SIPA1L2: variants seen among roughly 807,000 people sequenced by gnomAD.
SIPA1L2 encodes signal-induced proliferation-associated 1-like protein 2.
Under a neutral mutation model 163.9 loss-of-function variants are expected in SIPA1L2, and 56 were observed. The ratio of observed to expected loss-of-function variants is 0.34; its 90% CI spans 0.28 to 0.43. SIPA1L2 has a LOEUF of 0.43. Ranked by LOEUF, SIPA1L2 falls within the 20% of genes least tolerant of loss-of-function variation. SIPA1L2 has a pLI of 1.00. For synonymous variants in SIPA1L2, 877 were observed against 865.7 expected (o/e 1.01, Z -0.23); for missense variants, 1,974 against 2,193.5 (o/e 0.90, Z 2.00).
intron 2 of SIPA1L2, among the ~76,000 whole-genome samples, chr1:232,563,948 T>G (rs56392087): frequency 0.03 from 4,206 of 141,212 alleles, 80 homozygotes; most frequent in Non-Finnish European, 0.045. Flanking sequence ...AGGTTTGTTT[T>G]TTTTTTTCGT....
At chr1:232,553,378 G>C (rs928197650) in intron 2 of SIPA1L2, among the ~76,000 whole-genome samples, 10 of 152,188 alleles carry the variant, frequency 6.6e-5, no homozygotes, top group African/African-American at 2.4e-4. Flanking sequence ...TATGGGTACA[G>C]GACGGGGGGG....
chr1:232,425,280 T>C (rs1235929397), intron 18 of SIPA1L2, among the ~76,000 whole-genome samples: 6 of 151,730 alleles, frequency 4.0e-5, no homozygotes, highest in Non-Finnish European at 2.9e-5. Flanking sequence ...TAAATCAGGC[T>C]AAAGACATTT....
intron 5 of SIPA1L2, among the ~76,000 whole-genome samples, chr1:232,486,246 G>A (rs1295915337): frequency 1.3e-5 from 2 of 152,194 alleles, no homozygotes; most frequent in Non-Finnish European, 2.9e-5. Flanking sequence ...CTGACTCGGA[G>A]AGCCTTGTGG....
At chr1:232,468,303 A>C (rs1664626142) in intron 8 of SIPA1L2, among the ~76,000 whole-genome samples, 1 of 152,214 alleles carries the variant, frequency 6.6e-6, no homozygotes, top group Non-Finnish European at 1.5e-5. Context: ...CCCTCCAGCA[A>C]AAGCAAACAG....
intron 2 of SIPA1L2, among the ~76,000 whole-genome samples, chr1:232,562,556 TATA>T (rs1048771205): frequency 6.6e-6 from 1 of 152,256 alleles, no homozygotes; most frequent in African/African-American, 2.4e-5. Flanking sequence ...CACATTATTT[TATA>T]ATGAGAATTT....
intron 1 of SIPA1L2, among the ~76,000 whole-genome samples, chr1:232,586,792 A>G (rs1165185579): frequency 6.6e-6 from 1 of 152,266 alleles, no homozygotes; most frequent in African/African-American, 2.4e-5. Context: ...GGAGTGAAAC[A>G]GGAGTCTTTG....
rs1660187996 is a variant in SIPA1L2, at chr1:232,399,223, C to T, written c.5073G>A (p.Gln1691=). 2.5e-6 allele frequency: 4 copies of T among 1,613,644 alleles called. No homozygotes were observed. Among genetic ancestry groups the T allele is most frequent in the African/African-American group, 2.7e-5 (2 of 74,794 alleles). Residue 1691 remains glutamine, a synonymous_variant, in exon 23 of 23, where the codon CAG becomes CAA. Coordinates refer to ENST00000674635, the MANE Select transcript of SIPA1L2 (RefSeq NM_020808.5). ...VLQAEVQHLR[Q]DNMRLQEESQ... is the part of the protein sequence containing the mutation. Reference sequence around the variant, plus strand: ...ACTCCTCCTGCAGTCTCATGTTGTCCTGTCTCAGGTGCTGCACTTCTGCTT... The same window carrying T: ...ACTCCTCCTGCAGTCTCATGTTGTCTTGTCTCAGGTGCTGCACTTCTGCTT...
intron 5 of SIPA1L2, among the ~76,000 whole-genome samples, chr1:232,489,458 C>G (rs576195473): frequency 1.3e-5 from 2 of 151,312 alleles, no homozygotes; most frequent in Non-Finnish European, 2.9e-5. Context: ...CTGTGTATTA[C>G]GCAATTTAAA....
intron 1 of SIPA1L2, among the ~76,000 whole-genome samples, chr1:232,593,445 G>T (rs1452582922): frequency 6.6e-6 from 1 of 152,020 alleles, no homozygotes. Flanking sequence ...TATTAATGGG[G>T]GCGCTTCATT....
intron 2 of SIPA1L2, among the ~76,000 whole-genome samples, 186 bp from the exon 3 acceptor site, chr1:232,515,794 C>G (rs1042113685): frequency 2.0e-5 from 3 of 152,218 alleles, no homozygotes; most frequent in Admixed American, 6.5e-5. Flanking sequence ...AGATAAAATT[C>G]ACACCATACA....
rs190398056 is a variant in SIPA1L2 at position 232,422,057 on chromosome 1, A to T, written c.4630+3532T>A. Among the ~76,000 whole-genome samples the T allele has an allele frequency of 2.0e-5, 3 of 152,320 alleles. No individual in the cohort carries two copies. The East Asian group carries it at 5.8e-4, about 29-fold the overall frequency. ...TAAAAGGAAAATATGACTGCTTTTC[A>T]GTGTCACTGGTTATGTGGCCTGTGA... is the stretch of plus-strand genomic sequence containing the variant. On this transcript the variant is annotated intron_variant, in intron 18 of 22. Transcript: ENST00000674635.
intron 2 of SIPA1L2, among the ~76,000 whole-genome samples, chr1:232,526,602 T>C (rs1573029317): frequency 6.6e-6 from 1 of 152,192 alleles, no homozygotes; most frequent in Non-Finnish European, 1.5e-5. Context: ...TGCAGCCCGG[T>C]TCCTAACAGG....
intron 2 of SIPA1L2, among the ~76,000 whole-genome samples, chr1:232,516,888 T>C (rs1383032621): frequency 6.6e-6 from 1 of 152,184 alleles, no homozygotes; most frequent in East Asian, 1.9e-4. Context: ...ATTCTTTCAT[T>C]CTTCTGCCAA....
chr1:232,559,693 TG>T (rs1190239769), intron 2 of SIPA1L2, among the ~76,000 whole-genome samples: 1 of 152,180 alleles, frequency 6.6e-6, no homozygotes, highest in Non-Finnish European at 1.5e-5. Flanking sequence ...TGTTGACAAT[TG>T]AGGAGATTTT....
intron 1 of SIPA1L2, among the ~76,000 whole-genome samples, chr1:232,615,769 AG>A (rs755142756): frequency 6.6e-6 from 1 of 152,032 alleles, no homozygotes; most frequent in African/African-American, 2.4e-5. Context: ...ACTTCCAATG[AG>A]GGGGGGCAGG....
At position 232,619,001 on chromosome 1, in the gene SIPA1L2, C is replaced by G. The variant is rs554753984; in HGVS notation, c.-319+10868G>C. Among the ~76,000 whole-genome samples the G allele has an allele frequency of 5.3e-5, 8 of 152,352 alleles. 1 individual carries two copies. The South Asian group carries it at 1.7e-3, about 32-fold the overall frequency. On this transcript the variant is annotated intron_variant, in intron 1 of 22. Coordinates refer to ENST00000674635, the MANE Select transcript of SIPA1L2 (RefSeq NM_020808.5). ...ACCACTTTGAAAATACTGTCCGTCA[C>G]TTCTCCTTAATGTTGCTTTTGTTAA...
At chr1:232,531,978 G>C (rs1343413789) in intron 2 of SIPA1L2, among the ~76,000 whole-genome samples, 1 of 152,196 alleles carries the variant, frequency 6.6e-6, no homozygotes, top group Non-Finnish European at 1.5e-5. Context: ...GCTCAGATCC[G>C]GGAGGGACTG....
rs532206842 is a variant in SIPA1L2 at position 232,450,476 on chromosome 1, C to T, written c.3096-4690G>A. On this transcript the variant is annotated intron_variant, in intron 10 of 22. Transcript: ENST00000674635. Reference sequence around the variant, plus strand: ...ACCTACTTTTGTCTTCCACTCAAATCGATGCTCTAAGCGTCACTGGATGTT... The same window carrying T: ...ACCTACTTTTGTCTTCCACTCAAATTGATGCTCTAAGCGTCACTGGATGTT... Among the ~76,000 whole-genome samples the T allele has an allele frequency of 5.3e-5, 8 of 152,296 alleles. No individual in the cohort carries two copies. The South Asian group carries it at 8.3e-4, about 16-fold the overall frequency.
At chr1:232,500,382 A>C (rs1666406189) in intron 3 of SIPA1L2, among the ~76,000 whole-genome samples, 1 of 152,252 alleles carries the variant, frequency 6.6e-6, no homozygotes, top group Non-Finnish European at 1.5e-5. Context: ...GGATTTGGGC[A>C]GATAAAATTG....
Sources: gnomAD v4.1 joint callset for allele counts (sites outside exome capture counted in the v4.1 genomes callset) on GRCh38, gnomAD v4.1.1 for gene constraint, MANE v1.5 for transcripts, NCBI Gene and HGNC (gene_info 2026-07-23, HGNC 2026-07-21) for gene names.